Variants in KCNAB1 observed in about 807,000 individuals in gnomAD.
KCNAB1 encodes voltage-gated potassium channel subunit beta-1.
Under a neutral mutation model 64.6 loss-of-function variants are expected in KCNAB1, and 35 were observed. The observed-to-expected ratio is 0.54, with a 90% CI of 0.41 to 0.72. The LOEUF (loss-of-function observed/expected upper bound fraction) is 0.72. Ranked by LOEUF, KCNAB1 falls within the 30% of genes least tolerant of loss-of-function variation. The pLI is 0.00. For missense variants in KCNAB1, 401 were observed against 512.9 expected, an observed-to-expected ratio of 0.78 and a Z score of 2.11; for synonymous variants, 177 against 183.8, an observed-to-expected ratio of 0.96 and a Z score of 0.30.
At chr3:156,417,968 G>T (rs900922216) in intron 1 of KCNAB1, among the ~76,000 whole-genome samples, 2 of 152,184 alleles carry the variant, frequency 1.3e-5, no homozygotes, top group African/African-American at 4.8e-5. Context: ...TAAGTGTTCT[G>T]TGCCTCCACA....
Position 156,452,996 on chromosome 3 carries a change from C to A in KCNAB1, c.357+60C>A. The stretch of plus-strand genomic sequence containing the variant: ...AGAAAATGCAGAGAGAGCTGTATTG[C>A]AGGAGTCCTCTTCCTGGGACCCTGA... On this transcript the variant is annotated intron_variant, in intron 3 of 13. Coordinates refer to ENST00000490337, the MANE Select transcript of KCNAB1 (RefSeq NM_172160.3). The surrounding 1 kb of genome is among the most constrained non-coding windows in gnomAD (Gnocchi z 4.6). 1 of 1,140,310 alleles carries A rather than the reference C, an allele frequency of 8.8e-7. No individual in the cohort carries two copies. Among genetic ancestry groups the A allele is most frequent in the Non-Finnish European group, 1.3e-6 (1 of 767,452 alleles). 70.6% of individuals were successfully genotyped at this position (1,140,310 alleles called of 1,614,324 possible).
chr3:156,245,067 A>G (rs1717374207), intron 1 of KCNAB1, among the ~76,000 whole-genome samples: 1 of 152,132 alleles, frequency 6.6e-6, no homozygotes, highest in Non-Finnish European at 1.5e-5. Flanking sequence ...TTTATTTACC[A>G]TCACCTCTTC....
chr3:156,244,796 C>T (rs952892826), intron 1 of KCNAB1, among the ~76,000 whole-genome samples: 4 of 152,176 alleles, frequency 2.6e-5, no homozygotes, highest in Admixed American at 1.3e-4. Flanking sequence ...GGTCTGAGGG[C>T]CAAGATAATG....
At chr3:156,419,240 C>T (rs1306886378) in intron 1 of KCNAB1, among the ~76,000 whole-genome samples, 5 of 152,122 alleles carry the variant, frequency 3.3e-5, no homozygotes, top group African/African-American at 7.2e-5. Context: ...CGGTGGCTCA[C>T]GCCTGTAATC....
At chr3:156,524,366 C>A in intron 12 of KCNAB1, 1 of 154,432 alleles carries the variant, frequency 6.5e-6, no homozygotes. Context: ...AGAGAAATAG[C>A]TTCACCCTGA....
chr3:156,427,624 T>C (rs1419232867), intron 2 of KCNAB1, among the ~76,000 whole-genome samples: 1 of 152,222 alleles, frequency 6.6e-6, no homozygotes, highest in Non-Finnish European at 1.5e-5. Flanking sequence ...TCAGAAATCA[T>C]GAATTGCTGA....
At chr3:156,422,622 T>A (rs1379846440) in intron 2 of KCNAB1, among the ~76,000 whole-genome samples, 1 of 152,170 alleles carries the variant, frequency 6.6e-6, no homozygotes, top group Non-Finnish European at 1.5e-5. Flanking sequence ...GAGATATCGA[T>A]TAGGCCTGCA....
Position 156,354,120 on chromosome 3 carries a change from GTATATA to G in KCNAB1, c.276-67478_276-67473del, listed in dbSNP as rs34730584. Among the ~76,000 whole-genome samples the G allele has an allele frequency of 8.3e-3, 1,096 of 132,542 alleles. 18 individuals carry two copies. Among genetic ancestry groups the G allele is most frequent in the African/African-American group, 0.029 (1,003 of 34,720 alleles). The allele number at this position is 132,542 out of a possible 152,430, so 87.0% of individuals were successfully genotyped here. A position where few individuals can be genotyped will look rare whatever the true frequency, so the allele number is the denominator to read the frequency against. ...AATATATGTATATATATGTGTGTGT[GTATATA>G]TATATATATATATATATGTGTATAT... On this transcript the variant is annotated intron_variant, in intron 1 of 13. Transcript: ENST00000490337.
chr3:156,300,696 A>G (rs1312957536), intron 1 of KCNAB1, among the ~76,000 whole-genome samples: 2 of 152,172 alleles, frequency 1.3e-5, no homozygotes, highest in Non-Finnish European at 2.9e-5. Flanking sequence ...ATCCTAACCT[A>G]TTTATTAGAG....
intron 1 of KCNAB1, among the ~76,000 whole-genome samples, chr3:156,313,809 G>A (rs1164386471): frequency 2.0e-5 from 3 of 152,198 alleles, no homozygotes; most frequent in Non-Finnish European, 2.9e-5. Context: ...AGAGGTACCC[G>A]TCATCATGTT....
At chr3:156,166,955 A>G (rs1711608791) in intron 1 of KCNAB1, among the ~76,000 whole-genome samples, 1 of 152,148 alleles carries the variant, frequency 6.6e-6, no homozygotes, top group Admixed American at 6.5e-5. Context: ...CATCCTGGAC[A>G]TGGGCACCTC....
intron 8 of KCNAB1, among the ~76,000 whole-genome samples, chr3:156,476,620 T>C (rs1421463698): frequency 6.6e-6 from 1 of 152,024 alleles, no homozygotes; most frequent in African/African-American, 2.4e-5. Context: ...ACAGTTTCTT[T>C]ATCCACTCGT....
chr3:156,401,303 G>C (rs542016647), intron 1 of KCNAB1, among the ~76,000 whole-genome samples: 1 of 152,240 alleles, frequency 6.6e-6, no homozygotes, highest in Non-Finnish European at 1.5e-5. Context: ...AAACTTGCAA[G>C]TCCCGGATGA....
chr3:156,169,016 C>CTT (rs33925329), intron 1 of KCNAB1, among the ~76,000 whole-genome samples: 95,890 of 151,782 alleles, frequency 0.63, 30,817 homozygotes, highest in East Asian at 0.93. Flanking sequence ...TCTATGAACA[C>CTT]TGATGCTATA....
At chr3:156,415,054 T>A (rs1269919856) in intron 1 of KCNAB1, among the ~76,000 whole-genome samples, 2 of 152,152 alleles carry the variant, frequency 1.3e-5, no homozygotes, top group African/African-American at 2.4e-5. Flanking sequence ...TAACTTACAA[T>A]TCACATATAA....
chr3:156,248,172 A>G (rs1233635136), intron 1 of KCNAB1, among the ~76,000 whole-genome samples: 1 of 152,344 alleles, frequency 6.6e-6, no homozygotes, highest in East Asian at 1.9e-4. Flanking sequence ...CAATGCACCA[A>G]TGAAACTATA....
At chr3:156,171,896 G>T (rs1297562438) in intron 1 of KCNAB1, among the ~76,000 whole-genome samples, 5 of 152,144 alleles carry the variant, frequency 3.3e-5, no homozygotes, top group African/African-American at 1.2e-4. Flanking sequence ...TAGTATCTTT[G>T]TAATTATTTA....
intron 1 of KCNAB1, among the ~76,000 whole-genome samples, chr3:156,369,044 G>T (rs1576782739): frequency 1.3e-5 from 2 of 152,130 alleles, no homozygotes; most frequent in Admixed American, 6.5e-5. Context: ...GGCAGGTCAA[G>T]ATCTAGAACA....
intron 1 of KCNAB1, among the ~76,000 whole-genome samples, chr3:156,212,631 A>C (rs762808539): frequency 1.3e-5 from 2 of 152,200 alleles, no homozygotes; most frequent in Non-Finnish European, 2.9e-5. Context: ...TCTGACTCCT[A>C]GAGTTTATTG....
Sources: allele counts gnomAD v4.1 joint callset (sites outside exome capture counted in the v4.1 genomes callset), GRCh38; gene constraint gnomAD v4.1.1; non-coding constraint Gnocchi (gnomAD v3.1); transcripts MANE v1.5; gene names NCBI Gene and HGNC (gene_info 2026-07-23, HGNC 2026-07-21).